The following CERT1 variants were observed in gnomAD, a reference collection of about 807,000 sequenced individuals.
The protein encoded by CERT1 is ceramide transporter 1.
CERT1 carries 31 observed loss-of-function variants against 87.9 expected under a neutral mutation model. The observed-to-expected ratio is 0.35, with a 90% CI of 0.27 to 0.48. CERT1 has a LOEUF of 0.48. CERT1 is among the 20% of genes least tolerant of loss of function. CERT1 has a pLI of 0.99. For synonymous variants in CERT1, 289 were observed against 250.9 expected, an observed-to-expected ratio of 1.15 and a Z score of -1.44; for missense variants, 487 against 758.0, an observed-to-expected ratio of 0.64 and a Z score of 4.20.
At chr5:75,501,451 T>C (rs1275485974) in intron 2 of CERT1, among the ~76,000 whole-genome samples, 2 of 152,312 alleles carry the variant, frequency 1.3e-5, no homozygotes, top group East Asian at 1.9e-4. Flanking sequence ...CAAAGGCAGA[T>C]GCCTAAGGTG....
intron 3 of CERT1, among the ~76,000 whole-genome samples, chr5:75,431,289 C>T (rs1012906321): frequency 6.6e-6 from 1 of 152,122 alleles, no homozygotes; most frequent in Admixed American, 6.6e-5. Flanking sequence ...GTTTACCTCC[C>T]ACTTTTAAGT....
At chr5:75,447,106 G>C (rs1181836366) in intron 3 of CERT1, among the ~76,000 whole-genome samples, 1 of 152,188 alleles carries the variant, frequency 6.6e-6, no homozygotes, top group Non-Finnish European at 1.5e-5. Flanking sequence ...TGCCTGCCAC[G>C]GGGCTGGGAT....
At chr5:75,418,625 A>G (rs564489385) in intron 6 of CERT1, among the ~76,000 whole-genome samples, 17 of 152,362 alleles carry the variant, frequency 1.1e-4, no homozygotes, top group Admixed American at 7.8e-4. Context: ...AAACTATGGT[A>G]TATCTATACA....
intron 12 of CERT1, 151 bp downstream of exon 12, chr5:75,389,441 A>ATGCTT (rs1761944346): frequency 1.9e-6 from 1 of 531,320 alleles, no homozygotes; most frequent in Non-Finnish European, 3.3e-6. Context: ...AAGACATTTT[A>ATGCTT]TTGCTCAATA....
At chr5:75,498,364 C>G (rs192196552) in intron 2 of CERT1, among the ~76,000 whole-genome samples, 1 of 152,178 alleles carries the variant, frequency 6.6e-6, no homozygotes, top group Admixed American at 6.5e-5. Context: ...AGGGCATGTC[C>G]GAGACCTTCA....
chr5:75,483,435 TAG>T (rs1283276657), intron 2 of CERT1, among the ~76,000 whole-genome samples: 1 of 151,900 alleles, frequency 6.6e-6, no homozygotes, highest in Non-Finnish European at 1.5e-5. Flanking sequence ...AAAGTATAAA[TAG>T]AGAGTGAGGT....
At chr5:75,438,990 AGAG>A (rs1387178315) in intron 3 of CERT1, among the ~76,000 whole-genome samples, 1 of 151,654 alleles carries the variant, frequency 6.6e-6, no homozygotes, top group Non-Finnish European at 1.5e-5. Context: ...TTTGGCCACT[AGAG>A]GAGGTCAGTA....
At chr5:75,418,025 G>A (rs546361672) in intron 6 of CERT1, among the ~76,000 whole-genome samples, 18 of 152,228 alleles carry the variant, frequency 1.2e-4, no homozygotes, top group African/African-American at 3.6e-4. Flanking sequence ...GTGTGGTGGC[G>A]CATGCCTGTA....
chr5:75,399,211 A>G, intron 11 of CERT1, 99 bp downstream of exon 11: 2 of 863,618 alleles, frequency 2.3e-6, no homozygotes, highest in Middle Eastern at 4.5e-4. Context: ...ATTCAAAACT[A>G]AAATCAGTGG....
At chr5:75,499,736 C>T (rs1561306640) in intron 2 of CERT1, among the ~76,000 whole-genome samples, 1 of 152,150 alleles carries the variant, frequency 6.6e-6, no homozygotes, top group Non-Finnish European at 1.5e-5. Context: ...AGTCATGTTC[C>T]TACAACCCCT....
chr5:75,430,213 A>T (rs766737378), intron 3 of CERT1, among the ~76,000 whole-genome samples: 12 of 152,236 alleles, frequency 7.9e-5, no homozygotes, highest in Non-Finnish European at 8.8e-5. Context: ...ACACTTTTTA[A>T]TAATGCTTGC....
intron 2 of CERT1, among the ~76,000 whole-genome samples, chr5:75,490,908 T>C (rs1385714249): frequency 6.6e-6 from 1 of 152,162 alleles, no homozygotes; most frequent in Non-Finnish European, 1.5e-5. Context: ...TTTGCATTTT[T>C]CCCCTGGTTT....
chr5:75,379,197 C>T lies in CERT1; in HGVS notation c.*149G>A. 1 of 724,164 alleles carries T rather than the reference C, an allele frequency of 1.4e-6. No individual in the cohort carries two copies. The highest frequency in any genetic ancestry group is 2.2e-6 in the Non-Finnish European group (1 of 444,664). 44.9% of individuals were successfully genotyped at this position (724,164 alleles called of 1,614,324 possible). A position where few individuals can be genotyped will look rare whatever the true frequency, so the allele number is the denominator to read the frequency against. ...ACCCTGTTTAAAACAACAACAACGACAACAACAAAAACCAACGAAACAATA... is the reference window on the plus strand; with the variant it reads ...ACCCTGTTTAAAACAACAACAACGATAACAACAAAAACCAACGAAACAATA... On this transcript the variant is annotated 3_prime_UTR_variant, in exon 17 of 17. Coordinates refer to ENST00000643780, the MANE Select transcript of CERT1 (RefSeq NM_001379029.1).
downstream of CERT1, chr5:75,374,724 ATC>A: frequency 1.7e-6 from 1 of 589,614 alleles, no homozygotes; most frequent in South Asian, 1.4e-5. Flanking sequence ...TCAGGAATCG[ATC>A]TCATGAAGGA....
intron 1 of CERT1, among the ~76,000 whole-genome samples, chr5:75,508,685 T>C (rs1767772446): frequency 6.6e-6 from 1 of 151,832 alleles, no homozygotes; most frequent in South Asian, 2.1e-4. Flanking sequence ...GAGAAAAAAA[T>C]ATATATTTAG....
At chr5:75,474,723 GC>G (rs1190694353) in intron 2 of CERT1, among the ~76,000 whole-genome samples, 2 of 152,040 alleles carry the variant, frequency 1.3e-5, no homozygotes, top group African/African-American at 4.8e-5. Context: ...CTCACCATAT[GC>G]AAAATTCAAT....
intron 14 of CERT1, among the ~76,000 whole-genome samples, chr5:75,382,884 T>C (rs1298233311): frequency 6.6e-6 from 1 of 152,000 alleles, no homozygotes; most frequent in East Asian, 1.9e-4. Context: ...CAGTAAGTAA[T>C]ACATGAAGAT....
intron 1 of CERT1, among the ~76,000 whole-genome samples, chr5:75,509,849 C>T (rs951116320): frequency 4.6e-5 from 7 of 152,150 alleles, no homozygotes; most frequent in South Asian, 2.1e-4. Flanking sequence ...TTACAGGATA[C>T]ATTTAATCTA....
chr5:75,408,039 A>G (rs1308446203), intron 8 of CERT1, among the ~76,000 whole-genome samples: 2 of 152,138 alleles, frequency 1.3e-5, no homozygotes. Context: ...CTCTGTTCCC[A>G]TTGAACAACT....
Sources: allele counts gnomAD v4.1 joint callset (sites outside exome capture counted in the v4.1 genomes callset), GRCh38; gene constraint gnomAD v4.1.1; transcripts MANE v1.5; gene names NCBI Gene and HGNC (gene_info 2026-07-23, HGNC 2026-07-21).